The following PRORP variants were observed in gnomAD, a reference collection of about 807,000 sequenced individuals.
PRORP encodes mitochondrial ribonuclease P catalytic subunit.
A neutral mutation model predicts 59.4 loss-of-function variants in PRORP; 51 were observed. That is an observed-to-expected ratio of 0.86 (90% CI 0.69 to 1.08). The LOEUF is 1.08. PRORP is among the 50% of genes least tolerant of loss of function. PRORP has a pLI of 0.00. For synonymous variants in PRORP, 231 were observed against 245.6 expected, an observed-to-expected ratio of 0.94 and a Z score of 0.55; for missense variants, 646 against 690.3, an observed-to-expected ratio of 0.94 and a Z score of 0.72.
At chr14:35,145,642 C>T (rs1038312806) in intron 4 of PRORP, among the ~76,000 whole-genome samples, 2 of 139,268 alleles carry the variant, frequency 1.4e-5, no homozygotes, top group Non-Finnish European at 3.2e-5. Flanking sequence ...ATTGCTTGGA[C>T]CTGGGAGGCG....
intron 4 of PRORP, among the ~76,000 whole-genome samples, chr14:35,128,974 A>T (rs2047164918): frequency 6.6e-6 from 1 of 151,742 alleles, no homozygotes; most frequent in African/African-American, 2.4e-5. Flanking sequence ...AGGCTGGTGG[A>T]TCACCTGAGG....
rs560547016 is a variant in PRORP, at chr14:35,125,333, T to C, written c.986+1102T>C. Among the ~76,000 whole-genome samples, 3 of 152,348 alleles carry C rather than the reference T, an allele frequency of 2.0e-5. No homozygotes were observed. In the South Asian group the frequency reaches 6.2e-4, roughly 32 times the overall value. On this transcript the variant is annotated intron_variant, in intron 2 of 7. Coordinates refer to ENST00000534898, the MANE Select transcript of PRORP (RefSeq NM_014672.4). ...TCTAAAGCTCTCTCCTTTGGTTTGC[T>C]TTTGCTTTATTCATGTTACTGGGTA...
chr14:35,210,741 T>C (rs1393262901), intron 5 of PRORP, among the ~76,000 whole-genome samples: 1 of 145,488 alleles, frequency 6.9e-6, no homozygotes, highest in Non-Finnish European at 1.5e-5. Context: ...TTTTCTTCTT[T>C]TCTTTTGCCT....
chr14:35,148,015 A>G (rs148519174), intron 4 of PRORP, among the ~76,000 whole-genome samples: 1 of 152,302 alleles, frequency 6.6e-6, no homozygotes, highest in East Asian at 1.9e-4. Flanking sequence ...TATTTCCACC[A>G]TATCTGCAGT....
At chr14:35,246,860 GCT>G (rs775039811) in intron 5 of PRORP, among the ~76,000 whole-genome samples, 6 of 151,188 alleles carry the variant, frequency 4.0e-5, no homozygotes, top group Non-Finnish European at 8.9e-5. Flanking sequence ...TTTCTTTTTT[GCT>G]CTTTCTTTGT....
In PRORP at chr14:35,127,507, A is replaced by T; in HGVS notation, c.1063A>T (p.Ile355Leu). ...CCAGTGTTCGGGCTGTGGAAAAACC[A>T]TAGAGTCTATTCAGCTGAGTCCAGA... The part of the protein sequence containing the change: ...SGQCSGCGKT[I>L]ESIQLSPEEY... The change falls in exon 4 of 8, where the codon ATA becomes TTA. Residue 355 changes from isoleucine to leucine, a missense_variant. Ile to Leu is a conservative substitution (Grantham distance 5). Transcript: ENST00000534898. 1 of 1,611,870 alleles carries T rather than the reference A, an allele frequency of 6.2e-7. No individual in the cohort carries two copies.
At position 35,175,594 on chromosome 14, in the gene PRORP, T is replaced by TTTG. The variant is rs1407139836; in HGVS notation, c.1168-5074_1168-5073insGTT. ...TGCCCACTTTTTGATGGGGTTGTTT[T>TTTG]TTTTCTTGTAAATTTGTTAGAGTTC... On this transcript the variant is annotated intron_variant, in intron 4 of 7. Transcript: ENST00000534898. Among the ~76,000 whole-genome samples the TTTG allele has an allele frequency of 4.2e-5, 5 of 118,984 alleles. No homozygotes were observed. The East Asian group carries it at 1.3e-3, about 31-fold the overall frequency. The allele number at this position is 118,984 out of a possible 152,430, so 78.1% of individuals were successfully genotyped here.
At chr14:35,232,131 CATA>C (rs1377996282) in intron 5 of PRORP, among the ~76,000 whole-genome samples, 1 of 151,532 alleles carries the variant, frequency 6.6e-6, no homozygotes, top group Non-Finnish European at 1.5e-5. Context: ...TGGTTTATAT[CATA>C]ATGAAAATCA....
chr14:35,207,065 AT>A (rs977712999), intron 5 of PRORP, among the ~76,000 whole-genome samples: 18 of 151,444 alleles, frequency 1.2e-4, no homozygotes, highest in African/African-American at 4.1e-4. Context: ...CTCTTTTTAA[AT>A]TTTTCTTCCC....
chr14:35,149,540 CT>C (rs2047693482), intron 4 of PRORP, among the ~76,000 whole-genome samples: 1 of 152,044 alleles, frequency 6.6e-6, no homozygotes, highest in African/African-American at 2.4e-5. Context: ...ATGGGGATTG[CT>C]TATTTTCTTA....
intron 5 of PRORP, among the ~76,000 whole-genome samples, chr14:35,196,866 C>A (rs2049022336): frequency 6.6e-6 from 1 of 152,180 alleles, no homozygotes; most frequent in Non-Finnish European, 1.5e-5. Context: ...TTCTTACCAA[C>A]TGCTAATGAA....
intron 4 of PRORP, among the ~76,000 whole-genome samples, chr14:35,150,414 C>T (rs376780060): frequency 2.6e-5 from 4 of 152,298 alleles, no homozygotes; most frequent in African/African-American, 9.6e-5. Context: ...AGCACGGTTT[C>T]TGGTGCCCTA....
chr14:35,151,607 A>G (rs921053351), intron 4 of PRORP, among the ~76,000 whole-genome samples: 3 of 149,912 alleles, frequency 2.0e-5, no homozygotes, highest in South Asian at 2.1e-4. Context: ...ATTTTTCTCC[A>G]TAGCACTTAT....
intron 4 of PRORP, among the ~76,000 whole-genome samples, chr14:35,146,119 C>T (rs996210274): frequency 6.6e-6 from 1 of 152,136 alleles, no homozygotes; most frequent in Non-Finnish European, 1.5e-5. Flanking sequence ...GTGTGAGCCG[C>T]CGCACTCAGC....
intron 5 of PRORP, among the ~76,000 whole-genome samples, chr14:35,195,974 T>G (rs1163954492): frequency 6.6e-6 from 1 of 152,172 alleles, no homozygotes; most frequent in Non-Finnish European, 1.5e-5. Context: ...GGGAAAAACC[T>G]CAGACTTAAA....
intron 4 of PRORP, among the ~76,000 whole-genome samples, chr14:35,159,579 G>A (rs981037942): frequency 6.6e-6 from 1 of 152,254 alleles, no homozygotes; most frequent in Admixed American, 6.5e-5. Context: ...TGAGGGACAG[G>A]ACACCCTTTT....
At chr14:35,136,597 A>G (rs112214339) in intron 4 of PRORP, among the ~76,000 whole-genome samples, 11,109 of 144,458 alleles carry the variant, frequency 0.077, 1,661 homozygotes, top group African/African-American at 0.25. Flanking sequence ...CTGGTCTCGA[A>G]CTCCCAGCCT....
chr14:35,172,342 A>T (rs2048330311), intron 4 of PRORP, among the ~76,000 whole-genome samples: 1 of 151,584 alleles, frequency 6.6e-6, no homozygotes, highest in African/African-American at 2.4e-5. Flanking sequence ...ATTCTTGATT[A>T]TATTTGCAAT....
intron 5 of PRORP, among the ~76,000 whole-genome samples, chr14:35,212,460 TG>T (rs1413600550): frequency 6.6e-6 from 1 of 152,240 alleles, no homozygotes; most frequent in East Asian, 1.9e-4. Flanking sequence ...AATTACTCCT[TG>T]AGCTATGGGC....
Sources: allele counts gnomAD v4.1 joint callset (sites outside exome capture counted in the v4.1 genomes callset), GRCh38; gene constraint gnomAD v4.1.1; transcripts MANE v1.5; gene names NCBI Gene and HGNC (gene_info 2026-07-23, HGNC 2026-07-21).